RBFOX1: variants seen among roughly 807,000 people sequenced by gnomAD.
The protein encoded by RBFOX1 is RNA binding protein fox-1 homolog 1.
A neutral mutation model predicts 57.7 loss-of-function variants in RBFOX1; 8 were observed. That is an observed-to-expected ratio of 0.14 (90% CI 0.08 to 0.25). The LOEUF (loss-of-function observed/expected upper bound fraction) is 0.25, where lower values mean the gene tolerates loss of function less well. Ranked by LOEUF, RBFOX1 falls within the 10% of genes least tolerant of loss-of-function variation. The pLI is 1.00. For missense variants in RBFOX1, 611 were observed against 548.5 expected, an observed-to-expected ratio of 1.11 and a Z score of -1.14; for synonymous variants, 326 against 222.4, an observed-to-expected ratio of 1.47 and a Z score of -4.15.
At chr16:6,996,975 T>C (rs1338033536) in intron 3 of RBFOX1, among the ~76,000 whole-genome samples, 6 of 152,134 alleles carry the variant, frequency 3.9e-5, no homozygotes, top group African/African-American at 1.4e-4. Context: ...ATAGGCAGCA[T>C]TGAAGATTTC....
chr16:7,304,770 G>T (rs1239319691), intron 4 of RBFOX1, among the ~76,000 whole-genome samples: 1 of 152,154 alleles, frequency 6.6e-6, no homozygotes, highest in African/African-American at 2.4e-5. Flanking sequence ...CATCTTCCTT[G>T]TGTCAGTGCC....
rs1292949946 is a variant in RBFOX1 at position 6,626,535 on chromosome 16, G to A, written c.-63-28068G>A. On this transcript the variant is annotated intron_variant, in intron 2 of 15. Transcript: ENST00000550418. ...AGCACTTTGGGAGGCCGAGGCAGGCGGATCACCTGGGATCAGGAGTTCGAG... is the reference window on the plus strand; with the variant it reads ...AGCACTTTGGGAGGCCGAGGCAGGCAGATCACCTGGGATCAGGAGTTCGAG... 7.2e-5 allele frequency among the ~76,000 whole-genome samples: 11 copies of A among 152,254 alleles called. No individual in the cohort carries two copies. The South Asian group carries it at 1.5e-3, about 20-fold the overall frequency.
At chr16:7,009,819 C>G (rs58391659) in intron 3 of RBFOX1, among the ~76,000 whole-genome samples, 2 of 152,208 alleles carry the variant, frequency 1.3e-5, no homozygotes, top group South Asian at 4.1e-4. Flanking sequence ...CTAGAGCTAA[C>G]GTGAAAAGTT....
At chr16:5,626,992 T>A (rs1203088844) in intron 3 of RBFOX1, among the ~76,000 whole-genome samples, 3 of 152,232 alleles carry the variant, frequency 2.0e-5, no homozygotes, top group Non-Finnish European at 2.9e-5. Context: ...AATTATGATC[T>A]TGGAGGAAAT....
chr16:6,628,036 T>A (rs746245812), intron 2 of RBFOX1, among the ~76,000 whole-genome samples: 2 of 152,174 alleles, frequency 1.3e-5, no homozygotes, highest in Admixed American at 6.5e-5. Flanking sequence ...GCAAAGGACA[T>A]CTCTGGGTCA....
At chr16:7,648,727 GTGTTACC>G (rs2064285279) in intron 11 of RBFOX1, among the ~76,000 whole-genome samples, 1 of 152,154 alleles carries the variant, frequency 6.6e-6, no homozygotes, top group South Asian at 2.1e-4. Flanking sequence ...CCTTTAATAG[GTGTTACC>G]TGTCTGGGGC....
chr16:7,355,848 G>A (rs535625334), intron 4 of RBFOX1, among the ~76,000 whole-genome samples: 3 of 152,290 alleles, frequency 2.0e-5, no homozygotes, highest in Admixed American at 6.5e-5. Flanking sequence ...CAACCTTCAG[G>A]GTCATTTGCA....
chr16:7,507,920 C>A (rs1223633612), intron 4 of RBFOX1, among the ~76,000 whole-genome samples: 1 of 151,192 alleles, frequency 6.6e-6, no homozygotes, highest in African/African-American at 2.4e-5. Context: ...GACTAAGGAC[C>A]CATGTTCTGT....
chr16:6,402,932 G>GT (rs745797797), intron 2 of RBFOX1, among the ~76,000 whole-genome samples: 16 of 151,892 alleles, frequency 1.1e-4, no homozygotes, highest in Non-Finnish European at 7.4e-5. Flanking sequence ...CAGTAGACAT[G>GT]TTTTTTTTGT....
At chr16:7,241,094 A>G (rs1233402619) in intron 4 of RBFOX1, among the ~76,000 whole-genome samples, 1 of 152,178 alleles carries the variant, frequency 6.6e-6, no homozygotes, top group African/African-American at 2.4e-5. Flanking sequence ...TAGTATTTAT[A>G]TCAGATTGCC....
At chr16:6,620,996 C>T (rs991711073) in intron 2 of RBFOX1, among the ~76,000 whole-genome samples, 2 of 152,182 alleles carry the variant, frequency 1.3e-5, no homozygotes, top group South Asian at 4.1e-4. Context: ...AGGGTTGATT[C>T]CTACTAGAGG....
chr16:5,712,946 C>G (rs1337361800), intron 3 of RBFOX1, among the ~76,000 whole-genome samples: 2 of 149,816 alleles, frequency 1.3e-5, no homozygotes, highest in Non-Finnish European at 3.0e-5. Flanking sequence ...GCTCCAAATG[C>G]TGTATCATGA....
At chr16:6,788,502 C>A (rs1603623878) in intron 3 of RBFOX1, among the ~76,000 whole-genome samples, 2 of 151,196 alleles carry the variant, frequency 1.3e-5, no homozygotes, top group South Asian at 4.2e-4. Context: ...GAGACAGAGT[C>A]TCTTGCTCTG....
intron 3 of RBFOX1, among the ~76,000 whole-genome samples, chr16:5,764,128 G>T (rs1259741404): frequency 6.6e-6 from 1 of 151,536 alleles, no homozygotes; most frequent in Non-Finnish European, 1.5e-5. Context: ...TTGCAACCAG[G>T]AAGATGCTGT....
At chr16:5,876,274 T>A (rs2057608229) in intron 4 of RBFOX1, among the ~76,000 whole-genome samples, 1 of 145,890 alleles carries the variant, frequency 6.9e-6, no homozygotes, top group African/African-American at 2.6e-5. Flanking sequence ...TCCGCCTGCC[T>A]TATCTTATTT....
At chr16:6,625,218 C>T (rs921678443) in intron 2 of RBFOX1, among the ~76,000 whole-genome samples, 1 of 146,986 alleles carries the variant, frequency 6.8e-6, no homozygotes, top group Admixed American at 6.8e-5. Context: ...GAGTGGCACA[C>T]CCCCAAAACA....
intron 4 of RBFOX1, among the ~76,000 whole-genome samples, chr16:7,084,171 A>T (rs2059629893): frequency 6.6e-6 from 1 of 152,190 alleles, no homozygotes; most frequent in African/African-American, 2.4e-5. Flanking sequence ...GGAGAGCATG[A>T]TTCAGGTCCA....
chr16:7,127,742 T>G (rs2068980425), intron 4 of RBFOX1, among the ~76,000 whole-genome samples: 1 of 152,230 alleles, frequency 6.6e-6, no homozygotes, highest in South Asian at 2.1e-4. Context: ...AGCTTTTATC[T>G]TCTGCATTCT....
intron 4 of RBFOX1, among the ~76,000 whole-genome samples, chr16:7,427,320 C>T (rs543579665): frequency 4.6e-5 from 7 of 152,190 alleles, no homozygotes; most frequent in East Asian, 1.9e-4. Context: ...GGATGTAGGA[C>T]GGGGCCAAGT....
Sources: allele counts gnomAD v4.1 joint callset (sites outside exome capture counted in the v4.1 genomes callset), GRCh38; gene constraint gnomAD v4.1.1; transcripts MANE v1.5; gene names NCBI Gene and HGNC (gene_info 2026-07-23, HGNC 2026-07-21).